The following STAG2 variants were observed in gnomAD, a reference collection of about 807,000 sequenced individuals.
The protein encoded by STAG2 is cohesin subunit SA-2.
Under a neutral mutation model 108.1 loss-of-function variants are expected in STAG2, and 14 were observed. The observed-to-expected ratio is 0.13, with a 90% CI of 0.09 to 0.20. STAG2 has a LOEUF of 0.20. Among genes scored for constraint, STAG2 ranks in the 10% least tolerant of loss-of-function variants. The pLI is 1.00. For missense variants in STAG2, 440 were observed against 940.9 expected (o/e 0.47, Z 6.96); for synonymous variants, 307 against 302.7 (o/e 1.01, Z -0.15).
intron 14 of STAG2, 151 bp downstream of exon 14, chrX:124,056,386 T>G (rs1031454997): frequency 1.1e-5 from 3 of 284,461 alleles, no homozygotes; most frequent in African/African-American, 8.4e-5. Context: ...ACTTTTTCCT[T>G]TAAAAGTTTA....
intron 23 of STAG2, among the ~76,000 whole-genome samples, chrX:124,067,848 A>G (rs773706489): frequency 9.9e-5 from 11 of 111,202 alleles, no homozygotes; most frequent in Non-Finnish European, 1.5e-4. Context: ...CCTGGCCAAC[A>G]TGGTGAAACC....
intron 1 of STAG2, among the ~76,000 whole-genome samples, chrX:123,969,862 G>A (rs1260888570): frequency 9.3e-6 from 1 of 108,083 alleles, no homozygotes; most frequent in East Asian, 2.9e-4. Context: ...GGCCAGGCTG[G>A]TCTCGAACTC....
intron 1 of STAG2, among the ~76,000 whole-genome samples, chrX:123,966,737 T>C (rs1345825681): frequency 8.9e-6 from 1 of 111,856 alleles, no homozygotes; most frequent in Admixed American, 9.5e-5. Context: ...TTTGTTGATG[T>C]GCCTTTTAAA....
At chrX:124,032,374 A>T (rs1460297278) in intron 5 of STAG2, among the ~76,000 whole-genome samples, 1 of 112,108 alleles carries the variant, frequency 8.9e-6, no homozygotes, top group African/African-American at 3.2e-5. Flanking sequence ...AGGCTTTCTA[A>T]TGTTGGCTAA....
At chrX:123,979,177 C>G (rs374382575) in intron 1 of STAG2, among the ~76,000 whole-genome samples, 3 of 111,664 alleles carry the variant, frequency 2.7e-5, no homozygotes, top group African/African-American at 9.8e-5. Flanking sequence ...TCTCATTTCT[C>G]TAGGATATTT....
chrX:124,100,531 A>G (rs1258933631), intron 34 of STAG2, 43 bp from the exon 35 acceptor site: 21 of 1,116,318 alleles, frequency 1.9e-5, no homozygotes, highest in Admixed American at 4.5e-5. Context: ...AAAGAAATGA[A>G]TGACTTTTAA....
In STAG2 at chrX:124,025,856, T is replaced by G. The variant is rs1275593323; in HGVS notation, c.61T>G (p.Phe21Val). ...FNLLQESETH[F>V]SSDTDFEDIE... ...CTGTCACAGGGAGTCAGAAACACAT[T>G]TTTCTTCTGACACAGATTTTGAAGA... Residue 21 changes from phenylalanine (F) to valine (V), a missense_variant, in exon 4 of 35, where the codon TTT becomes GTT. By Grantham distance (50) the Phe-to-Val change is conservative. Transcript: ENST00000371145. 8.4e-7 allele frequency: 1 copy of G among 1,186,036 alleles called. No homozygotes were observed. Among genetic ancestry groups the G allele is most frequent in the Non-Finnish European group, 1.1e-6 (1 of 881,398 alleles).
chrX:124,058,154 C>CTTTTT (rs999044036), intron 15 of STAG2, among the ~76,000 whole-genome samples, 177 bp downstream of exon 15: 59 of 72,934 alleles, frequency 8.1e-4, no homozygotes, highest in African/African-American at 1.2e-3. Context: ...TACTTTTCTT[C>CTTTTT]TTTTTTTTTT....
intron 1 of STAG2, among the ~76,000 whole-genome samples, chrX:123,977,219 T>C (rs1262271355): frequency 8.9e-6 from 1 of 112,353 alleles, no homozygotes; most frequent in Non-Finnish European, 1.9e-5. Flanking sequence ...TGTTTTAATC[T>C]TGAGTAAAGT....
intron 5 of STAG2, among the ~76,000 whole-genome samples, chrX:124,033,409 A>T (rs1404913882): frequency 3.6e-5 from 4 of 111,741 alleles, no homozygotes; most frequent in Non-Finnish European, 1.9e-5. Context: ...TAAATGCACT[A>T]ATCTTCTTTC....
chrX:123,995,174 A>C (rs1470023254), intron 1 of STAG2, among the ~76,000 whole-genome samples: 1 of 111,833 alleles, frequency 8.9e-6, no homozygotes, highest in Non-Finnish European at 1.9e-5. Flanking sequence ...TGTAAAATAC[A>C]ATAATATCCT....
chrX:124,013,940 A>G (rs1405372362), intron 1 of STAG2, among the ~76,000 whole-genome samples: 1 of 111,270 alleles, frequency 9.0e-6, no homozygotes, highest in Non-Finnish European at 1.9e-5. Flanking sequence ...GGGGGTTGCT[A>G]AGTTCACAAG....
chrX:124,096,152 C>G lies in STAG2; in HGVS notation c.3783+703C>G, dbSNP rs187944539. Among the ~76,000 whole-genome samples, 536 of 106,337 alleles carry G rather than the reference C, an allele frequency of 5.0e-3. 2 individuals are homozygous for G. Among genetic ancestry groups the G allele is most frequent in the African/African-American group, 0.017 (501 of 29,547 alleles). 92.3% of individuals were successfully genotyped at this position (106,337 alleles called of 115,157 possible). On this transcript the variant is annotated intron_variant, in intron 34 of 34. Coordinates refer to ENST00000371145, the MANE Select transcript of STAG2 (RefSeq NM_001042750.2). ...TAAAAATGCAGATCTGATATTCTCA[C>G]TTATCGTTCTAAGTCTTTTATTGAT...
At chrX:124,019,346 C>T (rs182862056) in intron 1 of STAG2, among the ~76,000 whole-genome samples, 5 of 110,354 alleles carry the variant, frequency 4.5e-5, no homozygotes, top group Admixed American at 9.7e-5. Flanking sequence ...TGAGCCACCG[C>T]GCCCGGCCAG....
chrX:123,966,510 C>T (rs2054102912), intron 1 of STAG2, among the ~76,000 whole-genome samples: 1 of 110,164 alleles, frequency 9.1e-6, no homozygotes, highest in Non-Finnish European at 1.9e-5. Context: ...ATGTTCAGGA[C>T]TTTAGTTCGT....
intron 5 of STAG2, among the ~76,000 whole-genome samples, chrX:124,036,499 C>T (rs2057521216): frequency 9.0e-6 from 1 of 111,292 alleles, no homozygotes; most frequent in Non-Finnish European, 1.9e-5. Context: ...ATTCTTCTGC[C>T]TCAGCCTCCC....
intron 1 of STAG2, among the ~76,000 whole-genome samples, chrX:123,988,894 T>C (rs1031366556): frequency 1.2e-4 from 13 of 111,632 alleles, no homozygotes; most frequent in Admixed American, 1.1e-3. Context: ...AGCATATTGT[T>C]AAACTGATAA....
At chrX:124,083,743 T>C (rs1229339037) in intron 29 of STAG2, among the ~76,000 whole-genome samples, 194 bp downstream of exon 29, 1 of 112,228 alleles carries the variant, frequency 8.9e-6, no homozygotes, top group Non-Finnish European at 1.9e-5. Context: ...TATTTTAATA[T>C]TGTGAGTTTT....
intron 5 of STAG2, 57 bp downstream of exon 5, chrX:124,031,182 A>G: frequency 5.5e-6 from 6 of 1,099,714 alleles, no homozygotes; most frequent in Non-Finnish European, 7.3e-6. Flanking sequence ...TTAATGAGTT[A>G]TATAGAGTGT....
Sources: gnomAD v4.1 joint callset for allele counts (sites outside exome capture counted in the v4.1 genomes callset) on GRCh38, gnomAD v4.1.1 for gene constraint, MANE v1.5 for transcripts, NCBI Gene and HGNC (gene_info 2026-07-23, HGNC 2026-07-21) for gene names.